Variants in ADAMDEC1 observed in about 807,000 individuals in gnomAD.
The protein encoded by ADAMDEC1 is ADAM DEC1.
In ADAMDEC1, 62 loss-of-function variants were observed where a neutral mutation model predicts 60.4. The observed-to-expected ratio is 1.03, with a 90% CI of 0.84 to 1.27. The LOEUF (loss-of-function observed/expected upper bound fraction) is 1.27, where lower values mean the gene tolerates loss of function less well. ADAMDEC1 is among the 50% of genes most tolerant of loss of function. ADAMDEC1 has a pLI of 0.00. For synonymous variants in ADAMDEC1, 210 were observed against 195.1 expected, an observed-to-expected ratio of 1.08 and a Z score of -0.64; for missense variants, 595 against 565.0, an observed-to-expected ratio of 1.05 and a Z score of -0.54.
Position 24,405,576 on chromosome 8 carries a change from GA to G in ADAMDEC1, c.*281del. The G allele has an allele frequency of 2.6e-6, 1 of 384,584 alleles. No homozygotes were observed. Among genetic ancestry groups the G allele is most frequent in the Non-Finnish European group, 4.6e-6 (1 of 217,570 alleles). The allele number at this position is 384,584 out of a possible 1,614,324, so 23.8% of individuals were successfully genotyped here. A position where few individuals can be genotyped will look rare whatever the true frequency, so the allele number is the denominator to read the frequency against. The stretch of plus-strand genomic sequence containing the variant: ...TAGTTCTGCCCTTTGGAGAACAAAA[GA>G]AAGCAGTCTTCCATCAAATCACCTT... On this transcript the variant is annotated 3_prime_UTR_variant, in exon 14 of 14. Transcript: ENST00000256412.
At chr8:24,389,581 A>G (rs1291278515) in intron 1 of ADAMDEC1, among the ~76,000 whole-genome samples, 3 of 152,162 alleles carry the variant, frequency 2.0e-5, no homozygotes, top group Non-Finnish European at 1.5e-5. Context: ...AGATTATGTT[A>G]CTTCTCTACT....
At chr8:24,390,115 A>G (rs1177156792) in intron 1 of ADAMDEC1, 1 of 532,970 alleles carries the variant, frequency 1.9e-6, no homozygotes, top group Non-Finnish European at 3.3e-6. Context: ...CTATTATTTT[A>G]TTTAACCTGA....
At chr8:24,395,042 G>A (rs1283768737) in intron 4 of ADAMDEC1, among the ~76,000 whole-genome samples, 1 of 152,200 alleles carries the variant, frequency 6.6e-6, no homozygotes, top group East Asian at 1.9e-4. Flanking sequence ...ACCTTTTTTA[G>A]ATCACTCCAC....
chr8:24,396,128 A>G (rs1357640340), intron 5 of ADAMDEC1, among the ~76,000 whole-genome samples: 1 of 152,218 alleles, frequency 6.6e-6, no homozygotes, highest in African/African-American at 2.4e-5. Flanking sequence ...GTCACAGTTG[A>G]ACTTAATTTT....
At chr8:24,399,090 C>T in intron 9 of ADAMDEC1, 50 bp downstream of exon 9, 2 of 1,563,490 alleles carry the variant, frequency 1.3e-6, no homozygotes, top group Non-Finnish European at 1.7e-6. Flanking sequence ...TAGCTATCCC[C>T]AGGGTTCCTT....
chr8:24,395,273 G>A (rs960444641), intron 4 of ADAMDEC1, among the ~76,000 whole-genome samples: 2 of 152,198 alleles, frequency 1.3e-5, no homozygotes, highest in African/African-American at 4.8e-5. Context: ...TTACTTATTT[G>A]TAATGCACAG....
intron 5 of ADAMDEC1, among the ~76,000 whole-genome samples, 167 bp downstream of exon 5, chr8:24,395,963 A>G (rs532112016): frequency 5.9e-5 from 9 of 152,318 alleles, no homozygotes; most frequent in East Asian, 1.9e-4. Flanking sequence ...CAATCATTTC[A>G]TAATCTGCTG....
rs1817699121 is a variant in ADAMDEC1, at chr8:24,399,297, G to T, written c.930-96G>T. 2.3e-6 allele frequency: 3 copies of T among 1,303,322 alleles called. No individual in the cohort carries two copies. The South Asian group carries it at 3.6e-5, about 16-fold the overall frequency. The allele number at this position is 1,303,322 out of a possible 1,614,324, so 80.7% of individuals were successfully genotyped here. On this transcript the variant is annotated intron_variant, in intron 9 of 13. Coordinates refer to ENST00000256412, the MANE Select transcript of ADAMDEC1 (RefSeq NM_014479.3). ...TTTGGGGCCTAGTGAATATAAAAAG[G>T]CTAGGGCAGCGAGGCAATTCGTTAA...
rs79833375 is a variant in ADAMDEC1 at position 24,396,554 on chromosome 8, G to A, written c.441-716G>A. Among the ~76,000 whole-genome samples, 833 of 152,112 alleles carry A rather than the reference G, an allele frequency of 5.5e-3. 5 individuals are homozygous for A. Among genetic ancestry groups the A allele is most frequent in the African/African-American group, 0.019 (799 of 41,504 alleles). On this transcript the variant is annotated intron_variant, in intron 5 of 13. Transcript: ENST00000256412. ...AAAGAAGGTAACAACTACCACAAAAGTTGACCTCTGAGTAATCACTGTTAT... is the reference window on the plus strand; with the variant it reads ...AAAGAAGGTAACAACTACCACAAAAATTGACCTCTGAGTAATCACTGTTAT...
At chr8:24,390,197 C>T (rs968707341) in intron 1 of ADAMDEC1, 6 of 1,136,762 alleles carry the variant, frequency 5.3e-6, no homozygotes, top group Non-Finnish European at 7.0e-6. Context: ...TCAGTTTTCA[C>T]ATAAAAGAAA....
intron 1 of ADAMDEC1, among the ~76,000 whole-genome samples, chr8:24,385,708 G>A (rs1448061712): frequency 1.3e-5 from 2 of 152,054 alleles, no homozygotes; most frequent in Non-Finnish European, 2.9e-5. Context: ...GACAACTTCC[G>A]AATCATAGCT....
chr8:24,387,277 T>C (rs1817316234), intron 1 of ADAMDEC1: 1 of 152,154 alleles, frequency 6.6e-6, no homozygotes, highest in Non-Finnish European at 1.5e-5. Flanking sequence ...TCCAATATAT[T>C]GGGAGAGAGG....
chr8:24,401,766 C>T, intron 11 of ADAMDEC1, 149 bp from the exon 12 acceptor site: 1 of 662,882 alleles, frequency 1.5e-6, no homozygotes, highest in Non-Finnish European at 2.5e-6. Context: ...CAGGGCAGTC[C>T]TAAATGGTTG....
Position 24,392,254 on chromosome 8 carries a change from T to C in ADAMDEC1, c.89-8T>C. On this transcript the variant is annotated splice_polypyrimidine_tract_variant and splice_region_variant and intron_variant, in intron 1 of 13. Coordinates refer to ENST00000256412, the MANE Select transcript of ADAMDEC1 (RefSeq NM_014479.3). ...TCTTTTATGTGAATATTATTTCTCT[T>C]TCTCTAGCAATAGCCATAAAGCAAA... is the stretch of plus-strand genomic sequence containing the variant. The C allele has an allele frequency of 1.9e-6, 3 of 1,573,198 alleles. No homozygotes were observed. Among genetic ancestry groups the C allele is most frequent in the Non-Finnish European group, 2.6e-6 (3 of 1,154,968 alleles).
Position 24,400,166 on chromosome 8 carries a change from C to G in ADAMDEC1, c.1012-4C>G, listed in dbSNP as rs375768004. The G allele has an allele frequency of 2.6e-6, 4 of 1,560,506 alleles. No individual in the cohort carries two copies. Among genetic ancestry groups the G allele is most frequent in the African/African-American group, 2.8e-5 (2 of 72,206 alleles). ...GAATAAATAAATATATCTACTTTTTCCAGGCTAAAAAAAAGAATAATGTGG... is the reference window on the plus strand; with the variant it reads ...GAATAAATAAATATATCTACTTTTTGCAGGCTAAAAAAAAGAATAATGTGG... On this transcript the variant is annotated splice_polypyrimidine_tract_variant and splice_region_variant and intron_variant, in intron 10 of 13. Coordinates refer to ENST00000256412, the MANE Select transcript of ADAMDEC1 (RefSeq NM_014479.3).
At chr8:24,399,355 T>A (rs778755978) in intron 9 of ADAMDEC1, 38 bp from the exon 10 acceptor site, 2 of 1,576,904 alleles carry the variant, frequency 1.3e-6, no homozygotes, top group Non-Finnish European at 1.7e-6. Flanking sequence ...TTACAAAGAC[T>A]CAGATTGTGA....
In ADAMDEC1 at chr8:24,397,648, TAATGATTAAC is replaced by T. The variant is rs753595094; in HGVS notation, c.628-30_628-21del. The stretch of plus-strand genomic sequence containing the variant: ...GCTTTGGAATCTTTTAGGATAAAGA[TAATGATTAAC>T]AATGTTCTTTTATTCTTTGTAAAGA... On this transcript the variant is annotated intron_variant, in intron 6 of 13. Transcript: ENST00000256412. 4.4e-6 allele frequency: 7 copies of T among 1,585,506 alleles called. No homozygotes were observed. The South Asian group carries it at 7.9e-5, about 18-fold the overall frequency.
At chr8:24,385,965 C>A (rs1817280359) in intron 1 of ADAMDEC1, among the ~76,000 whole-genome samples, 1 of 151,640 alleles carries the variant, frequency 6.6e-6, no homozygotes, top group African/African-American at 2.4e-5. Flanking sequence ...ATCTACATAT[C>A]TTTTTTCCCC....
At chr8:24,398,206 C>T (rs1441256225) in intron 7 of ADAMDEC1, among the ~76,000 whole-genome samples, 8 of 151,426 alleles carry the variant, frequency 5.3e-5, no homozygotes, top group South Asian at 2.1e-4. Context: ...TCACATGATT[C>T]GGTTTAAAAA....
Sources: allele counts gnomAD v4.1 joint callset (sites outside exome capture counted in the v4.1 genomes callset), GRCh38; gene constraint gnomAD v4.1.1; transcripts MANE v1.5; gene names NCBI Gene and HGNC (gene_info 2026-07-23, HGNC 2026-07-21).